Variants in PROM2 observed in about 807,000 individuals in gnomAD.
PROM2 encodes the protein prominin 2.
PROM2 carries 90 observed loss-of-function variants against 110.2 expected under a neutral mutation model. That is an observed-to-expected ratio of 0.82 (90% CI 0.69 to 0.97). PROM2 has a LOEUF of 0.97. Ranked by LOEUF, PROM2 falls within the 50% of genes least tolerant of loss-of-function variation. PROM2 has a pLI of 0.00. For synonymous variants in PROM2, 470 were observed against 467.8 expected (o/e 1.00, Z -0.06); for missense variants, 1,009 against 1,074.8 (o/e 0.94, Z 0.86).
At chr2:95,289,158 A>G (rs1406046715) in intron 23 of PROM2, 66 bp from the exon 24 acceptor site, 3 of 652,188 alleles carry the variant, frequency 4.6e-6, no homozygotes, top group East Asian at 2.7e-5. Context: ...CCCATCCAGC[A>G]GTGGGGCTGA....
chr2:95,276,744 T>C lies in PROM2; in HGVS notation c.682+87T>C, dbSNP rs1676688733. The C allele has an allele frequency of 7.0e-7, 1 of 1,438,400 alleles. No homozygotes were observed. 89.1% of individuals were successfully genotyped at this position (1,438,400 alleles called of 1,614,324 possible). A position where few individuals can be genotyped will look rare whatever the true frequency, so the allele number is the denominator to read the frequency against. ...CGGTGGGGGCCTCTCACTCCCTCAT[T>C]CTGGACACCCCCGGGAACAGGCTGG... On this transcript the variant is annotated intron_variant, in intron 5 of 23. Transcript: ENST00000317620. The surrounding 1 kb of genome is among the most constrained non-coding windows in gnomAD (Gnocchi z 4.6).
intron 21 of PROM2, 64 bp downstream of exon 21, chr2:95,288,364 G>C: frequency 6.3e-7 from 1 of 1,595,728 alleles, no homozygotes; most frequent in Non-Finnish European, 8.6e-7. Flanking sequence ...TCTCCAGGGA[G>C]GGCCGGGTGA....
chr2:95,285,615 C>T (rs1237235393), intron 15 of PROM2, 24 bp from the exon 16 acceptor site: 2 of 1,571,786 alleles, frequency 1.3e-6, no homozygotes, highest in Admixed American at 3.6e-5. Context: ...TTCATCCCTC[C>T]TGGCCTCTTC....
intron 11 of PROM2, 152 bp from the exon 12 acceptor site, chr2:95,281,090 G>A (rs1350435505): frequency 4.9e-5 from 48 of 986,390 alleles, no homozygotes; most frequent in African/African-American, 6.5e-5. Flanking sequence ...TCCTCTCCAG[G>A]AGGCCAAGTC....
At chr2:95,278,862 G>A (rs1400207162) in intron 9 of PROM2, 78 bp downstream of exon 9, 2 of 1,607,216 alleles carry the variant, frequency 1.2e-6, no homozygotes, top group East Asian at 2.2e-5. Context: ...TGTTGAGAGA[G>A]GACTGGGGTG....
Position 95,275,242 on chromosome 2 carries a change from G to A in PROM2, c.245-219G>A, listed in dbSNP as rs1003884903. Among the ~76,000 whole-genome samples, 32 of 152,228 alleles carry A rather than the reference G, an allele frequency of 2.1e-4. 1 individual carries two copies. The highest frequency in any genetic ancestry group is 1.3e-3 in the Admixed American group (20 of 15,290). On this transcript the variant is annotated intron_variant, in intron 1 of 23. Transcript: ENST00000317620. This position sits in a 1 kb window ranked among gnomAD's most constrained non-coding sequence, Gnocchi z 4.4. ...CAGGACTGACCTGTAGGGTCCAGGA[G>A]GAGAGGTCTGCAGCCTCCTCTCTGC...
Position 95,276,299 on chromosome 2 carries a change from G to GC in PROM2, c.572dup (p.Glu192Ter), listed in dbSNP as rs758836509. On this transcript the variant is annotated frameshift_variant, in exon 4 of 24. Coordinates refer to ENST00000317620, the MANE Select transcript of PROM2 (RefSeq NM_001165978.3). LOFTEE classifies it high-confidence loss of function. This position sits in a 1 kb window ranked among gnomAD's most constrained non-coding sequence, Gnocchi z 4.6. ...AGATGGGCCCCAGCATCGAGGCCAT[G>GC]CCTGAGACCCTGCTCAGCCTCTGGG... 1 of 1,613,842 alleles carries GC rather than the reference G, an allele frequency of 6.2e-7. No homozygotes were observed. Among genetic ancestry groups the GC allele is most frequent in the South Asian group, 1.1e-5 (1 of 91,086 alleles).
Position 95,276,270 on chromosome 2 carries a change from G to A in PROM2, c.541G>A (p.Glu181Lys). The A allele has an allele frequency of 6.2e-7, 1 of 1,613,902 alleles. No homozygotes were observed. The highest frequency in any genetic ancestry group is 8.5e-7 in the Non-Finnish European group (1 of 1,180,034). The change falls in exon 4 of 24, where the codon GAA (glutamate) becomes AAA (lysine). Residue 181 changes from glutamate to lysine, a missense_variant. By Grantham distance (56) the Glu-to-Lys change is moderately conservative. Coordinates refer to ENST00000317620, the MANE Select transcript of PROM2 (RefSeq NM_001165978.3). This position sits in a 1 kb window ranked among gnomAD's most constrained non-coding sequence, Gnocchi z 4.6. ...CTTTGTCACCAACCAGCGCACGCAT[G>A]AACAGATGGGCCCCAGCATCGAGGC... ...CAFVTNQRTHEQMGPSIEAMP... is the reference protein window; with the variant it reads ...CAFVTNQRTHKQMGPSIEAMP...
chr2:95,276,769 G>A lies in PROM2; in HGVS notation c.682+112G>A. The A allele has an allele frequency of 1.6e-6, 2 of 1,288,262 alleles. No homozygotes were observed. Among genetic ancestry groups the A allele is most frequent in the Non-Finnish European group, 2.2e-6 (2 of 905,934 alleles). The allele number at this position is 1,288,262 out of a possible 1,614,324, so 79.8% of individuals were successfully genotyped here. On this transcript the variant is annotated intron_variant, in intron 5 of 23. Coordinates refer to ENST00000317620, the MANE Select transcript of PROM2 (RefSeq NM_001165978.3). The surrounding 1 kb of genome is among the most constrained non-coding windows in gnomAD (Gnocchi z 4.6). ...TCTGGACACCCCCGGGAACAGGCTGGTAGAGGTGGGGATCAGGCCGGCTGG... is the reference window on the plus strand; with the variant it reads ...TCTGGACACCCCCGGGAACAGGCTGATAGAGGTGGGGATCAGGCCGGCTGG...
intron 1 of PROM2, 107 bp downstream of exon 1, chr2:95,274,936 C>T (rs1384790993): frequency 8.0e-6 from 11 of 1,381,222 alleles, no homozygotes; most frequent in Middle Eastern, 1.9e-4. Flanking sequence ...CAGGCACTTG[C>T]CATCTTCCTG....
Position 95,281,358 on chromosome 2 carries a change from T to C in PROM2, c.1544T>C (p.Leu515Pro). 6.2e-7 allele frequency: 1 copy of C among 1,610,738 alleles called. No homozygotes were observed. The part of the protein sequence containing the change: ...LVCQSWENGE[L>P]FEFADTPGNL... ...TGCCAGAGCTGGGAGAACGGCGAGC[T>C]CTTTGAGGTAGGCCTGTCTCTGCTC... Residue 515 changes from leucine to proline, a missense_variant, in exon 12 of 24, where the codon CTC (leucine) becomes CCC (proline). Transcript: ENST00000317620.
intron 14 of PROM2, among the ~76,000 whole-genome samples, chr2:95,284,686 G>A (rs1013020843): frequency 5.9e-5 from 9 of 151,988 alleles, no homozygotes; most frequent in Non-Finnish European, 1.2e-4. Context: ...GAGAGCCAAC[G>A]CAGAGGTGCC....
chr2:95,279,221 C>A, intron 10 of PROM2, 77 bp downstream of exon 10: 1 of 1,189,964 alleles, frequency 8.4e-7, no homozygotes, highest in Non-Finnish European at 1.2e-6. Context: ...ACACCCTGAG[C>A]CCCATTCCCA....
chr2:95,281,191 C>A, intron 11 of PROM2, 51 bp from the exon 12 acceptor site: 1 of 1,596,004 alleles, frequency 6.3e-7, no homozygotes, highest in South Asian at 1.1e-5. Flanking sequence ...AGGGTATGGT[C>A]AGGGCAGCCA....
At position 95,276,757 on chromosome 2, in the gene PROM2, G is replaced by A. The variant is rs1676689447; in HGVS notation, c.682+100G>A. On this transcript the variant is annotated intron_variant, in intron 5 of 23. Transcript: ENST00000317620. The surrounding 1 kb of genome is among the most constrained non-coding windows in gnomAD (Gnocchi z 4.6). ...TCACTCCCTCATTCTGGACACCCCC[G>A]GGAACAGGCTGGTAGAGGTGGGGAT... The A allele has an allele frequency of 6.6e-6, 9 of 1,362,926 alleles. No individual in the cohort carries two copies. The highest frequency in any genetic ancestry group is 3.6e-5 in the South Asian group (3 of 82,650). The allele number at this position is 1,362,926 out of a possible 1,614,324, so 84.4% of individuals were successfully genotyped here. A position where few individuals can be genotyped will look rare whatever the true frequency, so the allele number is the denominator to read the frequency against.
Position 95,279,133 on chromosome 2 carries a change from C to T in PROM2, c.1263C>T (p.Tyr421=), listed in dbSNP as rs759279797. The T allele has an allele frequency of 2.0e-5, 27 of 1,322,674 alleles. No homozygotes were observed. Among genetic ancestry groups the T allele is most frequent in the East Asian group, 1.2e-4 (3 of 25,708 alleles). The allele number at this position is 1,322,674 out of a possible 1,614,324, so 81.9% of individuals were successfully genotyped here. Residue 421 remains tyrosine, a synonymous_variant, in exon 10 of 24, where the codon TAC becomes TAT. Coordinates refer to ENST00000317620, the MANE Select transcript of PROM2 (RefSeq NM_001165978.3). ...CCTACCTGCAGGAGGTGCAGAGATA[C>T]GAGACCTACAGGTGCTGGGCACCGC... ...SRPYLQEVQR[Y]ETYRWIVGCV...
At position 95,274,607 on chromosome 2, in the gene PROM2, C is replaced by A; in HGVS notation, c.22C>A (p.Leu8Met). 6.3e-7 allele frequency: 1 copy of A among 1,596,810 alleles called. No homozygotes were observed. Among genetic ancestry groups the A allele is most frequent in the Non-Finnish European group, 8.6e-7 (1 of 1,169,158 alleles). Residue 8 changes from leucine to methionine, a missense_variant, in exon 1 of 24, where the codon CTG becomes ATG. Transcript: ENST00000317620. MKHTLAL[L>M]APLLGLGLGL... ...CCCCATGAAGCACACACTGGCTCTG[C>A]TGGCTCCCCTGCTGGGCCTGGGCCT...
At chr2:95,287,324 G>A (rs1397904024) in intron 19 of PROM2, 72 bp from the exon 20 acceptor site, 1 of 1,579,628 alleles carries the variant, frequency 6.3e-7, no homozygotes, top group Non-Finnish European at 8.7e-7. Context: ...GCCAGGCATG[G>A]GGGGTGGCGT....
Position 95,275,562 on chromosome 2 carries a change from AG to A in PROM2, c.294+55del. On this transcript the variant is annotated intron_variant, in intron 2 of 23. Coordinates refer to ENST00000317620, the MANE Select transcript of PROM2 (RefSeq NM_001165978.3). The surrounding 1 kb of genome is among the most constrained non-coding windows in gnomAD (Gnocchi z 4.4). ...GGGAGGGAGTTCTGGGGTGAGCAGC[AG>A]GGTGGGAGCAGAAAAGCCTTGGCTC... 1 of 1,599,646 alleles carries A rather than the reference AG, an allele frequency of 6.3e-7. No homozygotes were observed.
Sources: allele counts gnomAD v4.1 joint callset (sites outside exome capture counted in the v4.1 genomes callset), GRCh38; gene constraint gnomAD v4.1.1; non-coding constraint Gnocchi (gnomAD v3.1); transcripts MANE v1.5; gene names NCBI Gene and HGNC (gene_info 2026-07-23, HGNC 2026-07-21).